ARFIP1: variants seen among roughly 807,000 people sequenced by gnomAD.
ARFIP1 encodes ARF interacting protein 1.
Under a neutral mutation model 42.5 loss-of-function variants are expected in ARFIP1, and 24 were observed. That is an observed-to-expected ratio of 0.57 (90% CI 0.41 to 0.80). The LOEUF is 0.80. Ranked by LOEUF, ARFIP1 falls within the 30% of genes least tolerant of loss-of-function variation. The probability of loss-of-function intolerance (pLI) is 0.00; values close to 1 mark genes in which losing one functional copy is unlikely to be tolerated. For missense variants in ARFIP1, 354 were observed against 434.0 expected (o/e 0.82, Z 1.64); for synonymous variants, 141 against 153.7 (o/e 0.92, Z 0.61).
chr4:152,785,815 AGT>A (rs1395915984), intron 1 of ARFIP1, among the ~76,000 whole-genome samples: 1 of 152,240 alleles, frequency 6.6e-6, no homozygotes, highest in Non-Finnish European at 1.5e-5. Flanking sequence ...TATTTAAGTT[AGT>A]TAAAATTAAA....
intron 1 of ARFIP1, among the ~76,000 whole-genome samples, chr4:152,824,926 C>T (rs1433945096): frequency 6.6e-6 from 1 of 151,878 alleles, no homozygotes; most frequent in Admixed American, 6.6e-5. Flanking sequence ...CTCAGTAACT[C>T]AATTCCTTTT....
intron 1 of ARFIP1, chr4:152,796,445 T>A: frequency 1.3e-6 from 1 of 741,104 alleles, no homozygotes; most frequent in Non-Finnish European, 2.5e-6. Context: ...AATAACTTAA[T>A]GCTTCTGTTT....
chr4:152,906,534 C>T (rs1450172206), intron 8 of ARFIP1, among the ~76,000 whole-genome samples: 1 of 152,210 alleles, frequency 6.6e-6, no homozygotes, highest in Non-Finnish European at 1.5e-5. Flanking sequence ...AATCCCACCT[C>T]TTCTCACGAT....
chr4:152,865,468 A>G (rs553865184), intron 3 of ARFIP1, among the ~76,000 whole-genome samples: 1 of 152,268 alleles, frequency 6.6e-6, no homozygotes, highest in East Asian at 1.9e-4. Flanking sequence ...ACAGTTGGCC[A>G]ATACTTTATT....
At chr4:152,818,255 A>T (rs903811919) in intron 1 of ARFIP1, among the ~76,000 whole-genome samples, 4 of 152,218 alleles carry the variant, frequency 2.6e-5, no homozygotes, top group African/African-American at 9.6e-5. Context: ...CTACACCATG[A>T]ACCCGACAGA....
intron 8 of ARFIP1, among the ~76,000 whole-genome samples, chr4:152,888,802 TCTAAGGA>T (rs1447612287): frequency 6.6e-6 from 1 of 152,094 alleles, no homozygotes; most frequent in Non-Finnish European, 1.5e-5. Context: ...TGTGAACACA[TCTAAGGA>T]CTAGAGCAAC....
chr4:152,794,641 A>T (rs1312190705), intron 1 of ARFIP1, among the ~76,000 whole-genome samples: 2 of 152,100 alleles, frequency 1.3e-5, no homozygotes, highest in African/African-American at 2.4e-5. Context: ...TTGCTCTCTA[A>T]TTTTAGCATC....
intron 1 of ARFIP1, among the ~76,000 whole-genome samples, chr4:152,784,686 CT>C (rs1271787051): frequency 6.6e-6 from 1 of 152,194 alleles, no homozygotes; most frequent in Admixed American, 6.5e-5. Flanking sequence ...TCACCAGAAT[CT>C]GAATAACTTT....
At chr4:152,780,965 T>A (rs190894375) in intron 1 of ARFIP1, among the ~76,000 whole-genome samples, 107 of 152,302 alleles carry the variant, frequency 7.0e-4, no homozygotes, top group African/African-American at 2.5e-3. Context: ...TTCCTGCAGA[T>A]CCTTTGGCCA....
chr4:152,868,106 C>A (rs1464319284), intron 3 of ARFIP1, among the ~76,000 whole-genome samples: 1 of 152,158 alleles, frequency 6.6e-6, no homozygotes, highest in East Asian at 1.9e-4. Context: ...AAGAGTATAA[C>A]CATCTACTTT....
intron 2 of ARFIP1, among the ~76,000 whole-genome samples, chr4:152,832,478 T>C (rs1395019015): frequency 6.6e-6 from 1 of 152,224 alleles, no homozygotes; most frequent in Non-Finnish European, 1.5e-5. Flanking sequence ...ATTCTGGGTA[T>C]ATGCCATTTG....
rs1290288588 is a variant in ARFIP1 at position 152,806,095 on chromosome 4, G to T, written c.-9-23530G>T. 2.0e-5 allele frequency among the ~76,000 whole-genome samples: 3 copies of T among 152,170 alleles called. No homozygotes were observed. The East Asian group carries it at 5.8e-4, about 29-fold the overall frequency. On this transcript the variant is annotated intron_variant, in intron 1 of 8. Coordinates refer to ENST00000353617, the MANE Select transcript of ARFIP1 (RefSeq NM_001025595.3). ...AAAAGATCTAAAATGAGGAACAGAA[G>T]AATTTTTTTTCTTCGTGATTGCATT...
chr4:152,885,913 A>G (rs962635707), intron 7 of ARFIP1, among the ~76,000 whole-genome samples: 1 of 151,962 alleles, frequency 6.6e-6, no homozygotes. Context: ...TGTGTGTTTT[A>G]TCTATATGAA....
intron 1 of ARFIP1, among the ~76,000 whole-genome samples, chr4:152,816,453 C>T (rs537557542): frequency 6.6e-6 from 1 of 152,334 alleles, no homozygotes; most frequent in South Asian, 2.1e-4. Context: ...GTTCTCTCTG[C>T]CTGCAGTGTT....
rs146969834 is a variant in ARFIP1, at chr4:152,892,301, C to T, written c.966+3994C>T. On this transcript the variant is annotated intron_variant, in intron 8 of 8. Transcript: ENST00000353617. ...CCTAAAGAGTACTGCAGTATATACA[C>T]CTGTTTTTGCAGCTTTTCTCTCTCT... Among the ~76,000 whole-genome samples the T allele has an allele frequency of 1.0e-3, 159 of 152,284 alleles. 1 individual carries two copies. The highest frequency in any genetic ancestry group is 7.7e-3 in the Admixed American group (118 of 15,292).
At chr4:152,828,555 G>A (rs957882634) in intron 1 of ARFIP1, among the ~76,000 whole-genome samples, 2 of 152,050 alleles carry the variant, frequency 1.3e-5, no homozygotes, top group African/African-American at 4.8e-5. Context: ...CTGATCTTTT[G>A]CCCATTTTTA....
chr4:152,887,791 A>G (rs933325128), intron 7 of ARFIP1, among the ~76,000 whole-genome samples: 1 of 152,142 alleles, frequency 6.6e-6, no homozygotes, highest in East Asian at 1.9e-4. Context: ...TGCTTTGCCT[A>G]ATCAGTACTA....
chr4:152,814,097 C>CTTTTT (rs67593845), intron 1 of ARFIP1, among the ~76,000 whole-genome samples: 6 of 110,884 alleles, frequency 5.4e-5, no homozygotes, highest in African/African-American at 9.9e-5. Context: ...TCTTCTTCTT[C>CTTTTT]TTTTTTTTTT....
chr4:152,869,244 A>G (rs1734667924), intron 3 of ARFIP1, among the ~76,000 whole-genome samples: 1 of 152,182 alleles, frequency 6.6e-6, no homozygotes, highest in South Asian at 2.1e-4. Flanking sequence ...TAGGAAATTT[A>G]ATTATGTACT....
Sources: allele counts gnomAD v4.1 joint callset (sites outside exome capture counted in the v4.1 genomes callset), GRCh38; gene constraint gnomAD v4.1.1; transcripts MANE v1.5; gene names NCBI Gene and HGNC (gene_info 2026-07-23, HGNC 2026-07-21).